The following NEK1 variants were observed in gnomAD, a reference collection of about 807,000 sequenced individuals.
The protein encoded by NEK1 is serine/threonine-protein kinase Nek1.
NEK1 carries 137 observed loss-of-function variants against 182.1 expected under a neutral mutation model. That is an observed-to-expected ratio of 0.75 (90% CI 0.65 to 0.87). NEK1 has a LOEUF of 0.87. Ranked by LOEUF, NEK1 falls within the 40% of genes least tolerant of loss-of-function variation. The probability of loss-of-function intolerance (pLI) is 0.00; values close to 1 mark genes in which losing one functional copy is unlikely to be tolerated. For synonymous variants in NEK1, 513 were observed against 492.2 expected, an observed-to-expected ratio of 1.04 and a Z score of -0.56; for missense variants, 1,391 against 1,494.4, an observed-to-expected ratio of 0.93 and a Z score of 1.14.
rs1473425427 is a variant in NEK1, at chr4:169,589,461, A to G, written c.450T>C (p.Ala150=). 1.8e-5 allele frequency: 27 copies of G among 1,511,320 alleles called. No individual in the cohort carries two copies. The highest frequency in any genetic ancestry group is 2.1e-5 in the Non-Finnish European group (24 of 1,116,332). The allele number at this position is 1,511,320 out of a possible 1,614,324, so 93.6% of individuals were successfully genotyped here. A position where few individuals can be genotyped will look rare whatever the true frequency, so the allele number is the denominator to read the frequency against. ...ATTCATGTTACCTATTAAGAACTCT[A>G]GCAATTCCAAAATCTCCAAGTTGTA... is the stretch of plus-strand genomic sequence containing the variant. ...GTVQLGDFGI[A]RVLNSTVELA... is the part of the protein sequence containing the mutation. Residue 150 remains alanine, a synonymous_variant, in exon 7 of 36, where the codon GCT becomes GCC. Transcript: ENST00000507142.
At chr4:169,441,316 G>A (rs1739408150) in intron 27 of NEK1, among the ~76,000 whole-genome samples, 1 of 152,246 alleles carries the variant, frequency 6.6e-6, no homozygotes, top group Non-Finnish European at 1.5e-5. Flanking sequence ...CCTGAGGTCA[G>A]GCCTGGCCCA....
intron 19 of NEK1, among the ~76,000 whole-genome samples, chr4:169,527,912 A>T (rs1319855193): frequency 1.3e-5 from 2 of 152,160 alleles, no homozygotes; most frequent in Non-Finnish European, 2.9e-5. Context: ...AAAAACACAT[A>T]AAAAAACTAT....
At chr4:169,556,199 AG>A in intron 16 of NEK1, 104 bp from the exon 17 acceptor site, 1 of 1,037,860 alleles carries the variant, frequency 9.6e-7, no homozygotes, top group Non-Finnish European at 1.4e-6. Context: ...ACTTTTAAAA[AG>A]TAATTACTTA....
chr4:169,444,600 C>T (rs1013163092), intron 27 of NEK1, among the ~76,000 whole-genome samples: 1 of 152,122 alleles, frequency 6.6e-6, no homozygotes, highest in African/African-American at 2.4e-5. Flanking sequence ...AACAGCAGAA[C>T]CCCTAGATAT....
At chr4:169,492,142 C>G (rs1306883158) in intron 23 of NEK1, among the ~76,000 whole-genome samples, 1 of 152,160 alleles carries the variant, frequency 6.6e-6, no homozygotes, top group Non-Finnish European at 1.5e-5. Flanking sequence ...ACGTGCTTAC[C>G]TATCAATAAC....
intron 23 of NEK1, among the ~76,000 whole-genome samples, chr4:169,496,786 T>G (rs1229855016): frequency 7.2e-5 from 11 of 152,128 alleles, no homozygotes. Flanking sequence ...CTTTTTGATG[T>G]GCTGCTGGAT....
At chr4:169,580,031 C>T (rs1170482400) in intron 11 of NEK1, among the ~76,000 whole-genome samples, 2 of 152,118 alleles carry the variant, frequency 1.3e-5, no homozygotes, top group Non-Finnish European at 2.9e-5. Flanking sequence ...TAATTTCCCT[C>T]TCACATAGAT....
intron 12 of NEK1, among the ~76,000 whole-genome samples, chr4:169,572,049 T>C (rs1303616274): frequency 6.6e-6 from 1 of 151,934 alleles, no homozygotes; most frequent in Non-Finnish European, 1.5e-5. Flanking sequence ...CGGCCGACCC[T>C]GGCTTTTACT....
intron 2 of NEK1, 30 bp downstream of exon 2, chr4:169,611,990 A>C (rs1044396779): frequency 9.9e-5 from 15 of 152,250 alleles, no homozygotes; most frequent in Non-Finnish European, 4.4e-5. Flanking sequence ...ACCATTTTGC[A>C]TGTCATTCCT....
intron 19 of NEK1, among the ~76,000 whole-genome samples, chr4:169,529,656 A>G (rs1012976773): frequency 6.6e-6 from 1 of 152,174 alleles, no homozygotes; most frequent in Non-Finnish European, 1.5e-5. Context: ...AGACTAGGAG[A>G]AAGTATTGGC....
chr4:169,589,551 T>C (rs1022218063), intron 6 of NEK1, 37 bp from the exon 7 acceptor site: 3 of 1,235,296 alleles, frequency 2.4e-6, no homozygotes, highest in South Asian at 2.8e-5. Flanking sequence ...CCTAGAAATA[T>C]TGTTACAGTC....
chr4:169,606,630 T>C (rs913285627), intron 2 of NEK1, among the ~76,000 whole-genome samples: 1 of 152,126 alleles, frequency 6.6e-6, no homozygotes, highest in African/African-American at 2.4e-5. Flanking sequence ...AGTACTCCTC[T>C]CCCATCTTGA....
At chr4:169,436,933 T>TGAGTATC (rs753992023) in intron 28 of NEK1, among the ~76,000 whole-genome samples, 2 of 152,172 alleles carry the variant, frequency 1.3e-5, no homozygotes, top group Non-Finnish European at 1.5e-5. Flanking sequence ...TTAACCACAG[T>TGAGTATC]GAGTATCAAT....
At chr4:169,561,377 A>T in intron 16 of NEK1, 103 bp downstream of exon 16, 1 of 953,470 alleles carries the variant, frequency 1.0e-6, no homozygotes, top group Non-Finnish European at 1.7e-6. Flanking sequence ...AATTAATTGT[A>T]CACTAAAGAA....
In NEK1 at chr4:169,537,820, C is replaced by T. The variant is rs969758381; in HGVS notation, c.1654G>A (p.Glu552Lys). The T allele has an allele frequency of 1.7e-5, 28 of 1,612,080 alleles. No homozygotes were observed. The highest frequency in any genetic ancestry group is 2.7e-5 in the African/African-American group (2 of 74,870). ...REAMQNKARA[E>K]GHMGILQNLA... Reference sequence around the variant, plus strand: ...AACAAAATTCATACCATATGTCCTTCGGCTCGAGCTTTATTCTGCATAGCT... The same window carrying T: ...AACAAAATTCATACCATATGTCCTTTGGCTCGAGCTTTATTCTGCATAGCT... The change falls in exon 19 of 36, where the codon GAA becomes AAA. Residue 552 changes from glutamate (E) to lysine (K), a missense_variant. Glu to Lys is a moderately conservative substitution (Grantham distance 56, BLOSUM62 1). Coordinates refer to ENST00000507142, the MANE Select transcript of NEK1 (RefSeq NM_001199397.3).
At chr4:169,487,365 C>G (rs1476113452) in intron 23 of NEK1, among the ~76,000 whole-genome samples, 1 of 152,156 alleles carries the variant, frequency 6.6e-6, no homozygotes, top group Admixed American at 6.5e-5. Context: ...CCAATGTGTT[C>G]ATGTATTCTC....
At chr4:169,509,056 A>G (rs1245114373) in intron 19 of NEK1, among the ~76,000 whole-genome samples, 4 of 152,170 alleles carry the variant, frequency 2.6e-5, no homozygotes, top group African/African-American at 4.8e-5. Context: ...ATTAAGCCCC[A>G]AACATAATTA....
chr4:169,589,747 C>T (rs2150088071), intron 6 of NEK1, among the ~76,000 whole-genome samples: 1 of 152,068 alleles, frequency 6.6e-6, no homozygotes, highest in East Asian at 1.9e-4. Flanking sequence ...TAGAGAAAAA[C>T]ATAGGAATAA....
chr4:169,577,121 C>T (rs759684467), intron 11 of NEK1, 42 bp from the exon 12 acceptor site: 2 of 1,586,828 alleles, frequency 1.3e-6, no homozygotes, highest in Middle Eastern at 1.7e-4. Flanking sequence ...CAGTTCTTTA[C>T]ATTAACTCTT....
Sources: gnomAD v4.1 joint callset for allele counts (sites outside exome capture counted in the v4.1 genomes callset) on GRCh38, gnomAD v4.1.1 for gene constraint, MANE v1.5 for transcripts, NCBI Gene and HGNC (gene_info 2026-07-23, HGNC 2026-07-21) for gene names.